The following FARP2 variants were observed in gnomAD, a reference collection of about 807,000 sequenced individuals.
FARP2 encodes FERM, ARHGEF and pleckstrin domain-containing protein 2.
A neutral mutation model predicts 130.5 loss-of-function variants in FARP2; 111 were observed. That is an observed-to-expected ratio of 0.85 (90% CI 0.73 to 1.00). The LOEUF (loss-of-function observed/expected upper bound fraction) is 1.00. Ranked by LOEUF, FARP2 falls within the 50% of genes least tolerant of loss-of-function variation. FARP2 has a pLI of 0.00. For missense variants in FARP2, 1,385 were observed against 1,346.3 expected, an observed-to-expected ratio of 1.03 and a Z score of -0.45; for synonymous variants, 504 against 516.9, an observed-to-expected ratio of 0.98 and a Z score of 0.34.
intron 26 of FARP2, 60 bp downstream of exon 26, chr2:241,493,504 T>C (rs1224298888): frequency 3.9e-6 from 6 of 1,541,026 alleles, no homozygotes; most frequent in Non-Finnish European, 3.6e-6. Flanking sequence ...TCAGCTCCCA[T>C]TTCTACTCAT....
At position 241,462,637 on chromosome 2, in the gene FARP2, A is replaced by AT. The variant is rs200475890; in HGVS notation, c.1677+34dup. On this transcript the variant is annotated intron_variant, in intron 15 of 26. Coordinates refer to ENST00000264042, the MANE Select transcript of FARP2 (RefSeq NM_014808.4). ...GGTACGAAAGTCCTTGATTACTTTG[A>AT]TTTTTTTTTAAAATAAATCTCTCAT... 1,095 of 1,423,444 alleles carry AT rather than the reference A, an allele frequency of 7.7e-4. 1 individual carries two copies. The highest frequency in any genetic ancestry group is 9.4e-4 in the Non-Finnish European group (951 of 1,012,316). The allele number at this position is 1,423,444 out of a possible 1,614,324, so 88.2% of individuals were successfully genotyped here.
At chr2:241,364,093 A>G (rs1446309268) in intron 1 of FARP2, among the ~76,000 whole-genome samples, 1 of 152,208 alleles carries the variant, frequency 6.6e-6, no homozygotes, top group African/African-American at 2.4e-5. Context: ...ACTAGCCTGG[A>G]TTCGTTGTCT....
At chr2:241,456,196 C>T (rs1009752756) in intron 13 of FARP2, among the ~76,000 whole-genome samples, 1 of 152,010 alleles carries the variant, frequency 6.6e-6, no homozygotes, top group African/African-American at 2.4e-5. Context: ...ATAAAATCCC[C>T]ATTAATGAAA....
In FARP2 at chr2:241,377,732, T is replaced by C. The variant is rs567754663; in HGVS notation, c.183+4442T>C. On this transcript the variant is annotated intron_variant, in intron 2 of 26. Transcript: ENST00000264042. ...GAATACTTGTTATACTGTATTGACT[T>C]TTTTTTTCTATTATCTCTCATTGTA... is the stretch of plus-strand genomic sequence containing the variant. Among the ~76,000 whole-genome samples the C allele has an allele frequency of 3.9e-5, 6 of 152,272 alleles. No homozygotes were observed. The South Asian group carries it at 1.2e-3, about 32-fold the overall frequency.
At chr2:241,433,952 T>A (rs2063153873) in intron 9 of FARP2, among the ~76,000 whole-genome samples, 1 of 152,082 alleles carries the variant, frequency 6.6e-6, no homozygotes, top group African/African-American at 2.4e-5. Context: ...GGGAGGATTG[T>A]TTGAGCCTGG....
chr2:241,486,287 C>CTTT (rs71406464), intron 21 of FARP2, among the ~76,000 whole-genome samples: 16 of 103,864 alleles, frequency 1.5e-4, no homozygotes, highest in African/African-American at 3.4e-4. Context: ...CTCCAAAAAT[C>CTTT]TTTTTTTTTT....
chr2:241,384,929 G>A (rs2061749569), intron 2 of FARP2, among the ~76,000 whole-genome samples: 1 of 152,084 alleles, frequency 6.6e-6, no homozygotes, highest in African/African-American at 2.4e-5. Flanking sequence ...TACATCAATT[G>A]TAAATTTCTT....
intron 21 of FARP2, chr2:241,489,699 CTTGA>C (rs2064846358): frequency 1.3e-5 from 4 of 303,160 alleles, no homozygotes; most frequent in Non-Finnish European, 2.4e-5. Context: ...TTTTCCTTTG[CTTGA>C]TTTTCAGCTA....
At chr2:241,461,444 G>C (rs899614249) in intron 14 of FARP2, among the ~76,000 whole-genome samples, 6 of 152,142 alleles carry the variant, frequency 3.9e-5, no homozygotes, top group Non-Finnish European at 8.8e-5. Flanking sequence ...CCCACCAATA[G>C]CCTGTCTATT....
intron 19 of FARP2, chr2:241,478,592 G>T: frequency 2.0e-6 from 1 of 506,948 alleles, no homozygotes; most frequent in Non-Finnish European, 4.0e-6. Context: ...TTTTGGGCCT[G>T]TGTTGAACTA....
chr2:241,475,955 G>A lies in FARP2; in HGVS notation c.2230G>A (p.Val744Met). 6.2e-7 allele frequency: 1 copy of A among 1,614,076 alleles called. No individual in the cohort carries two copies. The change falls in exon 19 of 27, where the codon GTG becomes ATG. Residue 744 changes from valine to methionine, a missense_variant. Physicochemically the swap from Val to Met is conservative, Grantham distance 21. Coordinates refer to ENST00000264042, the MANE Select transcript of FARP2 (RefSeq NM_014808.4). This position sits in a 1 kb window ranked among gnomAD's most constrained non-coding sequence, Gnocchi z 4.4. ...GCTAACGGAGCTGCAGCGGGACCTG[G>A]TGGGCATAGAGAACCTCATTGCTCC... is the stretch of plus-strand genomic sequence containing the variant. ...QKLTELQRDL[V>M]GIENLIAPGR...
At chr2:241,462,176 G>T (rs531567893) in intron 14 of FARP2, among the ~76,000 whole-genome samples, 4 of 152,306 alleles carry the variant, frequency 2.6e-5, no homozygotes, top group Admixed American at 2.6e-4. Flanking sequence ...ACTTTTGTAT[G>T]GGTTAGGTTT....
chr2:241,411,329 C>T (rs1030407711), intron 6 of FARP2, among the ~76,000 whole-genome samples, 199 bp downstream of exon 6: 23 of 152,238 alleles, frequency 1.5e-4, no homozygotes, highest in Admixed American at 5.9e-4. Context: ...ATAGTTTCCA[C>T]GTAGCAAACA....
At position 241,468,299 on chromosome 2, in the gene FARP2, C is replaced by G. The variant is rs367671801; in HGVS notation, c.2053C>G (p.Leu685Val). ...GTTCCTGCTGAAGCCCATCCAGCGG[C>G]TGCTGCACTACCGCCTGCTGCTGCG... is the stretch of plus-strand genomic sequence containing the variant. ...NTFLLKPIQR[L>V]LHYRLLLRRL... The change falls in exon 18 of 27, where the codon CTG (leucine) becomes GTG (valine). Residue 685 changes from leucine (L) to valine (V), a missense_variant. Coordinates refer to ENST00000264042, the MANE Select transcript of FARP2 (RefSeq NM_014808.4). 6.2e-7 allele frequency: 1 copy of G among 1,613,618 alleles called. No individual in the cohort carries two copies. Among genetic ancestry groups the G allele is most frequent in the Non-Finnish European group, 8.5e-7 (1 of 1,180,026 alleles).
chr2:241,402,958 T>A (rs1190528783), intron 2 of FARP2, among the ~76,000 whole-genome samples: 1 of 126,086 alleles, frequency 7.9e-6, no homozygotes, highest in Non-Finnish European at 1.6e-5. Flanking sequence ...CCTGAACTCC[T>A]GTACTCAAGA....
At chr2:241,376,240 G>A (rs1203233404) in intron 2 of FARP2, among the ~76,000 whole-genome samples, 1 of 152,302 alleles carries the variant, frequency 6.6e-6, no homozygotes, top group East Asian at 1.9e-4. Context: ...CCAGAAGTGG[G>A]CACTGCAGTG....
At chr2:241,437,658 A>ATTTTTT (rs1478318608) in intron 12 of FARP2, among the ~76,000 whole-genome samples, 1 of 134,346 alleles carries the variant, frequency 7.4e-6, no homozygotes, top group Admixed American at 9.4e-5. Context: ...ATATTTATTT[A>ATTTTTT]TTTATTTATT....
Position 241,413,315 on chromosome 2 carries a change from G to A in FARP2, c.517G>A (p.Gly173Arg). The change falls in exon 7 of 27, where the codon GGA becomes AGA. Residue 173 changes from glycine to arginine, a missense_variant. Gly to Arg is a moderately radical substitution (Grantham distance 125). Coordinates refer to ENST00000264042, the MANE Select transcript of FARP2 (RefSeq NM_014808.4). ...CTTTTAACCTATCTCAGCGGAAATA[G>A]GAGATTACGATGAAACGCTGGACCG... The part of the protein sequence containing the change: ...LTSHLLQSEI[G>R]DYDETLDREH... The A allele has an allele frequency of 6.2e-7, 1 of 1,604,364 alleles. No individual in the cohort carries two copies. The highest frequency in any genetic ancestry group is 1.3e-5 in the African/African-American group (1 of 74,908).
chr2:241,453,421 G>A (rs534647613), intron 13 of FARP2, among the ~76,000 whole-genome samples: 4 of 151,800 alleles, frequency 2.6e-5, no homozygotes, highest in African/African-American at 9.7e-5. Context: ...AGGAGATCGA[G>A]ACCATCCTGG....
Sources: allele counts gnomAD v4.1 joint callset (sites outside exome capture counted in the v4.1 genomes callset), GRCh38; gene constraint gnomAD v4.1.1; non-coding constraint Gnocchi (gnomAD v3.1); transcripts MANE v1.5; gene names NCBI Gene and HGNC (gene_info 2026-07-23, HGNC 2026-07-21).